The following RIPOR3 variants were observed in gnomAD, a reference collection of about 807,000 sequenced individuals.
The protein encoded by RIPOR3 is RIPOR family member 3, also known as family with sequence similarity 65 member C.
A neutral mutation model predicts 114.3 loss-of-function variants in RIPOR3; 95 were observed. That is an observed-to-expected ratio of 0.83 (90% CI 0.70 to 0.99). The LOEUF is 0.99. Ranked by LOEUF, RIPOR3 falls within the 50% of genes least tolerant of loss-of-function variation. The probability of loss-of-function intolerance (pLI) is 0.00; values close to 1 mark genes in which losing one functional copy is unlikely to be tolerated. For missense variants in RIPOR3, 1,252 were observed against 1,266.9 expected, an observed-to-expected ratio of 0.99 and a Z score of 0.18; for synonymous variants, 575 against 543.8, an observed-to-expected ratio of 1.06 and a Z score of -0.80.
chr20:50,594,639 G>C lies in RIPOR3; in HGVS notation c.2126C>G (p.Ser709Cys). The C allele has an allele frequency of 6.2e-7, 1 of 1,613,750 alleles. No homozygotes were observed. The highest frequency in any genetic ancestry group is 8.5e-7 in the Non-Finnish European group (1 of 1,179,964). Residue 709 changes from serine to cysteine, a missense_variant, in exon 17 of 22, where the codon TCC becomes TGC. Coordinates refer to ENST00000327979, the MANE Select transcript of RIPOR3 (RefSeq NM_001290268.2). ...GTTCAGCAGCGTCGTGGCAGGGCAG[G>C]ACAGGACCCTGCCAGGCCCTGTGCA... Reference protein sequence around the residue: ...RGCTGPGRVLSCPATTLLNQL... With the variant: ...RGCTGPGRVLCCPATTLLNQL...
intron 13 of RIPOR3, among the ~76,000 whole-genome samples, chr20:50,601,545 A>G (rs1235421728): frequency 2.0e-5 from 3 of 152,212 alleles, no homozygotes; most frequent in Admixed American, 1.3e-4. Context: ...TTTGATGTAC[A>G]TTCAAATTTG....
intron 2 of RIPOR3, among the ~76,000 whole-genome samples, chr20:50,622,184 C>CTT (rs1291668979): frequency 8.6e-5 from 12 of 139,724 alleles, no homozygotes; most frequent in Non-Finnish European, 9.4e-5. Flanking sequence ...CATCAGTTCT[C>CTT]TTTTTTTTTT....
At chr20:50,666,197 CT>C (rs59346850) in intron 1 of RIPOR3, among the ~76,000 whole-genome samples, 1 of 93,404 alleles carries the variant, frequency 1.1e-5, no homozygotes, top group Non-Finnish European at 2.0e-5. Flanking sequence ...CTTTTCTTTT[CT>C]TTTCTTTTCT....
At chr20:50,649,244 A>T (rs915480680) in intron 1 of RIPOR3, among the ~76,000 whole-genome samples, 35 of 152,198 alleles carry the variant, frequency 2.3e-4, no homozygotes, top group Non-Finnish European at 7.3e-5. Context: ...TAGGAGTTGG[A>T]GACCAGCCTG....
intron 1 of RIPOR3, among the ~76,000 whole-genome samples, chr20:50,674,643 G>A (rs1267182619): frequency 4.0e-5 from 6 of 149,528 alleles, no homozygotes; most frequent in South Asian, 2.2e-4. Context: ...AATGACTGGT[G>A]TCCTTATTAG....
At chr20:50,680,560 TA>T (rs1259517299) in intron 1 of RIPOR3, among the ~76,000 whole-genome samples, 1 of 152,192 alleles carries the variant, frequency 6.6e-6, no homozygotes, top group Non-Finnish European at 1.5e-5. Flanking sequence ...TCAGAATAGG[TA>T]TTGCAGACGT....
intron 1 of RIPOR3, among the ~76,000 whole-genome samples, chr20:50,661,520 GA>G (rs1317417161): frequency 6.6e-6 from 1 of 152,182 alleles, no homozygotes; most frequent in Non-Finnish European, 1.5e-5. Flanking sequence ...GGCTCTTTGG[GA>G]GAGTTTACTT....
In RIPOR3 at chr20:50,634,086, A is replaced by G. The variant is rs981551960; in HGVS notation, c.4-3230T>C. Reference sequence around the variant, plus strand: ...AACCTCCACCTGCTGGGCTCAAGCCATCCTCCCACATCAGCCTTTCACGTG... The same window carrying G: ...AACCTCCACCTGCTGGGCTCAAGCCGTCCTCCCACATCAGCCTTTCACGTG... On this transcript the variant is annotated intron_variant, in intron 1 of 21. Transcript: ENST00000327979. Among the ~76,000 whole-genome samples, 3 of 147,574 alleles carry G rather than the reference A, an allele frequency of 2.0e-5. No individual in the cohort carries two copies. In the Admixed American group the frequency reaches 2.1e-4, roughly 10 times the overall value.
chr20:50,677,912 C>T (rs1038548674), intron 1 of RIPOR3, among the ~76,000 whole-genome samples: 1 of 151,836 alleles, frequency 6.6e-6, no homozygotes, highest in African/African-American at 2.4e-5. Flanking sequence ...TCAACTGATG[C>T]ACCTGTCCCG....
chr20:50,656,645 A>T (rs2085821759), intron 1 of RIPOR3, among the ~76,000 whole-genome samples: 1 of 150,478 alleles, frequency 6.6e-6, no homozygotes, highest in African/African-American at 2.4e-5. Context: ...GATTACAGGC[A>T]CCCACCACCA....
intron 5 of RIPOR3, 116 bp from the exon 6 acceptor site, chr20:50,611,022 C>A: frequency 6.4e-7 from 1 of 1,565,388 alleles, no homozygotes; most frequent in South Asian, 1.1e-5. Context: ...CCTCACCATC[C>A]CTGAGGAAGG....
chr20:50,668,821 C>T (rs1197176094), intron 1 of RIPOR3, among the ~76,000 whole-genome samples: 1 of 152,042 alleles, frequency 6.6e-6, no homozygotes, highest in African/African-American at 2.4e-5. Context: ...CAAGCCACTG[C>T]CCTCCAGCCT....
intron 1 of RIPOR3, among the ~76,000 whole-genome samples, chr20:50,689,409 C>T (rs34780812): frequency 0.11 from 16,792 of 152,196 alleles, 1,099 homozygotes; most frequent in East Asian, 0.22. Flanking sequence ...CACCTGACTT[C>T]AGGTGATCCG....
At chr20:50,659,749 C>T (rs2085933046) in intron 1 of RIPOR3, 1 of 151,924 alleles carries the variant, frequency 6.6e-6, no homozygotes, top group Non-Finnish European at 1.5e-5. Context: ...GTTTCCAGGC[C>T]AGGGAGGAGT....
At chr20:50,673,359 G>A (rs2086586727) in intron 1 of RIPOR3, among the ~76,000 whole-genome samples, 1 of 152,144 alleles carries the variant, frequency 6.6e-6, no homozygotes, top group East Asian at 1.9e-4. Context: ...TTTGAACCCA[G>A]GCAGCCTGGC....
At chr20:50,631,306 G>C (rs924498608) in intron 1 of RIPOR3, among the ~76,000 whole-genome samples, 1 of 152,140 alleles carries the variant, frequency 6.6e-6, no homozygotes, top group Admixed American at 6.5e-5. Context: ...GAACAGTTAC[G>C]ATACAGAGTC....
intron 3 of RIPOR3, among the ~76,000 whole-genome samples, chr20:50,617,217 T>C (rs1013304461): frequency 2.0e-5 from 3 of 152,048 alleles, no homozygotes; most frequent in African/African-American, 7.2e-5. Context: ...TGCTGAGTCA[T>C]CCCAGGAAGG....
intron 1 of RIPOR3, among the ~76,000 whole-genome samples, chr20:50,669,915 G>C (rs2086405188): frequency 6.6e-6 from 1 of 151,352 alleles, no homozygotes; most frequent in African/African-American, 2.4e-5. Flanking sequence ...CCAGTACTTT[G>C]GGAGGCCAAG....
At chr20:50,675,702 A>G (rs1276059634) in intron 1 of RIPOR3, among the ~76,000 whole-genome samples, 1 of 152,214 alleles carries the variant, frequency 6.6e-6, no homozygotes, top group African/African-American at 2.4e-5. Flanking sequence ...TCCAATGCCA[A>G]CGCCCATGCT....
Sources: gnomAD v4.1 joint callset for allele counts (sites outside exome capture counted in the v4.1 genomes callset) on GRCh38, gnomAD v4.1.1 for gene constraint, MANE v1.5 for transcripts, NCBI Gene and HGNC (gene_info 2026-07-23, HGNC 2026-07-21) for gene names.